SYNPO: variants seen among roughly 807,000 people sequenced by gnomAD.
SYNPO encodes synaptopodin.
A neutral mutation model predicts 49.5 loss-of-function variants in SYNPO; 19 were observed. The ratio of observed to expected loss-of-function variants is 0.38; its 90% confidence interval spans 0.27 to 0.56. SYNPO has a LOEUF of 0.56. Among genes scored for constraint, SYNPO ranks in the 20% least tolerant of loss-of-function variants. The pLI is 0.68. For synonymous variants in SYNPO, 536 were observed against 548.0 expected (o/e 0.98, Z 0.31); for missense variants, 1,131 against 1,248.3 (o/e 0.91, Z 1.42).
At chr5:150,618,609 A>G (rs1298362820) in exon 2 of SYNPO, 3 of 1,551,328 alleles carry the variant, frequency 1.9e-6, no homozygotes, top group Admixed American at 2.0e-5. Flanking sequence ...CAGCTGCCCA[A>G]AGCCCTGGGC....
At chr5:150,603,670 C>T (rs949584592) in intron 1 of SYNPO, among the ~76,000 whole-genome samples, 2 of 152,212 alleles carry the variant, frequency 1.3e-5, no homozygotes, top group Admixed American at 1.3e-4. Flanking sequence ...AGGATGTGGA[C>T]AGCATCCTTG....
the SYNPO span, among the ~76,000 whole-genome samples, chr5:150,587,042 A>G: frequency 2.6e-5 from 4 of 151,736 alleles, no homozygotes; most frequent in Non-Finnish European, 1.5e-5. Flanking sequence ...GTGGATGCAT[A>G]TATGTATATG....
In SYNPO at chr5:150,657,003, C is replaced by CA. The variant is rs748876358; in HGVS notation, c.2628_2629insA (p.Tyr877IlefsTer81). ...GGGCTAAGTCTCCAGGCATCCTGGG[C>CA]TACAATATCTGTCCCCGCGGGTGGA... On this transcript the variant is annotated frameshift_variant, in exon 3 of 3. Transcript: ENST00000307662. LOFTEE classifies it high-confidence loss of function. 2.5e-6 allele frequency: 4 copies of CA among 1,602,378 alleles called. No individual in the cohort carries two copies. The Admixed American group carries it at 6.8e-5, about 27-fold the overall frequency.
chr5:150,620,093 T>C (rs1404873372), intron 2 of SYNPO, among the ~76,000 whole-genome samples: 1 of 152,192 alleles, frequency 6.6e-6, no homozygotes, highest in Non-Finnish European at 1.5e-5. Context: ...CTAGACTGGA[T>C]GTTGCCGACT....
At chr5:150,655,125 T>TA (rs1437539891) in intron 2 of SYNPO, among the ~76,000 whole-genome samples, 2 of 152,308 alleles carry the variant, frequency 1.3e-5, no homozygotes, top group East Asian at 1.9e-4. Context: ...AACTCCATCT[T>TA]AAAAAATAAT....
At chr5:150,592,655 C>T in the SYNPO span, among the ~76,000 whole-genome samples, 3 of 152,164 alleles carry the variant, frequency 2.0e-5, no homozygotes, top group South Asian at 2.1e-4. Context: ...TCTTGGAGCC[C>T]GAGCACCCTT....
In SYNPO at chr5:150,649,071, G is replaced by C. The variant is rs1240956370; in HGVS notation, c.796G>C (p.Gly266Arg). The change falls in exon 2 of 3, where the codon GGG becomes CGG. Residue 266 changes from glycine to arginine, a missense_variant. Gly to Arg is a moderately radical substitution (Grantham distance 125). Coordinates refer to ENST00000307662, the MANE Select transcript of SYNPO (RefSeq NM_007286.6). ...CCCCATGCTAGAGAGACGACATTTT[G>C]GGGAGAAGGCCCCGGCTCCCCAGCC... ...RSPMLERRHFGEKAPAPQPPS... is the reference protein window; with the variant it reads ...RSPMLERRHFREKAPAPQPPS... 7 of 1,613,904 alleles carry C rather than the reference G, an allele frequency of 4.3e-6. No individual in the cohort carries two copies. The highest frequency in any genetic ancestry group is 1.7e-5 in the Admixed American group (1 of 60,016).
the SYNPO span, among the ~76,000 whole-genome samples, chr5:150,587,349 G>A: frequency 1.3e-5 from 2 of 152,050 alleles, no homozygotes; most frequent in African/African-American, 4.8e-5. Flanking sequence ...TGGATGCAGG[G>A]ATGAAGATGT....
rs538208400 is a variant in SYNPO, at chr5:150,657,255, C to T, written c.*168C>T. 2 of 718,008 alleles carry T rather than the reference C, an allele frequency of 2.8e-6. No homozygotes were observed. The highest frequency in any genetic ancestry group is 4.5e-6 in the Non-Finnish European group (2 of 446,452). The allele number at this position is 718,008 out of a possible 1,614,324, so 44.5% of individuals were successfully genotyped here. A position where few individuals can be genotyped will look rare whatever the true frequency, so the allele number is the denominator to read the frequency against. ...AGGGACGCAAGCTTGAGTTCTAGCC[C>T]TTGCTCTCATTCAGCTGTTGTGTGA... On this transcript the variant is annotated 3_prime_UTR_variant, in exon 3 of 3. Transcript: ENST00000307662.
upstream of SYNPO, among the ~76,000 whole-genome samples, chr5:150,600,801 G>A (rs1421448668): frequency 3.9e-5 from 6 of 152,180 alleles, no homozygotes; most frequent in East Asian, 1.9e-4. Context: ...GTCCTGTGTC[G>A]CTGGGGGCTT....
At chr5:150,618,776 G>A (rs778301789) in intron 2 of SYNPO, 21 of 1,550,960 alleles carry the variant, frequency 1.4e-5, no homozygotes, top group Admixed American at 5.9e-5. Context: ...AGGTAAGCTT[G>A]TGTTCCTTTT....
At chr5:150,596,573 G>A (rs372511852), upstream of SYNPO, among the ~76,000 whole-genome samples, 11 of 152,172 alleles carry the variant, frequency 7.2e-5, no homozygotes, top group East Asian at 1.4e-3. Flanking sequence ...ACCCCCCAAG[G>A]CAACTCAATT....
chr5:150,602,997 G>GGGGTGT (rs1554106602), intron 1 of SYNPO, among the ~76,000 whole-genome samples: 117 of 131,246 alleles, frequency 8.9e-4, no homozygotes, highest in African/African-American at 3.2e-3. Context: ...GCCACCTTAG[G>GGGGTGT]GTGTGTGTGT....
At chr5:150,652,322 TAC>T in intron 2 of SYNPO, 2 of 992,586 alleles carry the variant, frequency 2.0e-6, no homozygotes, top group Non-Finnish European at 2.4e-6. Flanking sequence ...ATGTTCTCAA[TAC>T]ACTCTGCCTC....
intron 1 of SYNPO, among the ~76,000 whole-genome samples, chr5:150,609,159 G>A (rs939540927): frequency 6.6e-6 from 1 of 152,242 alleles, no homozygotes; most frequent in African/African-American, 2.4e-5. Flanking sequence ...CAATGTCCCT[G>A]AATGCAGAGC....
upstream of SYNPO, among the ~76,000 whole-genome samples, chr5:150,600,920 T>C (rs1756509283): frequency 1.3e-5 from 2 of 152,254 alleles, no homozygotes; most frequent in South Asian, 2.1e-4. Context: ...CTTAAAAATA[T>C]AGACGGCTAA....
chr5:150,650,417 G>C, intron 2 of SYNPO, 114 bp downstream of exon 2: 1 of 1,557,638 alleles, frequency 6.4e-7, no homozygotes. Context: ...AAATGGCACA[G>C]AGCTGAGTGA....
At chr5:150,598,617 C>G (rs1490225067), upstream of SYNPO, among the ~76,000 whole-genome samples, 1 of 152,170 alleles carries the variant, frequency 6.6e-6, no homozygotes, top group Non-Finnish European at 1.5e-5. Flanking sequence ...AGATAAGTAT[C>G]CAGATATAGT....
At position 150,601,525 on chromosome 5, in the gene SYNPO, G is replaced by A. The variant is rs79067788; in HGVS notation, c.-266+337G>A. On this transcript the variant is annotated intron_variant, in intron 1 of 2. Coordinates refer to the SYNPO transcript ENST00000394243. Reference sequence around the variant, plus strand: ...CGGGGTCATTTGCATCCGTACAAGTGAGAGTGTGTCAGAGTGTGAGTGAAT... The same window carrying A: ...CGGGGTCATTTGCATCCGTACAAGTAAGAGTGTGTCAGAGTGTGAGTGAAT... 6.3e-3 allele frequency among the ~76,000 whole-genome samples: 958 copies of A among 152,326 alleles called. 53 individuals carry two copies. The East Asian group carries it at 0.12, about 20-fold the overall frequency.
Sources: allele counts gnomAD v4.1 joint callset (sites outside exome capture counted in the v4.1 genomes callset), GRCh38; gene constraint gnomAD v4.1.1; transcripts MANE v1.5; gene names NCBI Gene and HGNC (gene_info 2026-07-23, HGNC 2026-07-21).